The following HTR4 variants were observed in gnomAD, a reference collection of about 807,000 sequenced individuals.
The protein encoded by HTR4 is 5-hydroxytryptamine (serotonin) receptor 4, G protein-coupled.
A neutral mutation model predicts 36.8 loss-of-function variants in HTR4; 16 were observed. The ratio of observed to expected loss-of-function variants is 0.43; its 90% CI spans 0.29 to 0.66. The LOEUF (loss-of-function observed/expected upper bound fraction) is 0.66. Among genes scored for constraint, HTR4 ranks in the 30% least tolerant of loss-of-function variants. HTR4 has a pLI of 0.13. For synonymous variants in HTR4, 189 were observed against 185.1 expected (o/e 1.02, Z -0.17); for missense variants, 438 against 490.9 (o/e 0.89, Z 1.02).
rs777567693 is a variant in HTR4 at position 148,465,872 on chromosome 5, G to C, written c.1077-14600C>G. 2.5e-6 allele frequency: 4 copies of C among 1,613,096 alleles called. No homozygotes were observed. In the East Asian group the frequency reaches 8.9e-5, roughly 36 times the overall value. On this transcript the variant is annotated intron_variant, in intron 5 of 5. Coordinates refer to the HTR4 transcript ENST00000521530. ...TACAGAGCACTTTCAGAGTTAGACA[G>C]GAACTGGTCTATTGCAGAAGAGCAG...
At chr5:148,459,656 T>A (rs1191433766) in intron 5 of HTR4, among the ~76,000 whole-genome samples, 1 of 152,186 alleles carries the variant, frequency 6.6e-6, no homozygotes, top group Non-Finnish European at 1.5e-5. Context: ...GGGTAAATAG[T>A]GTGCCTGTTT....
chr5:148,624,918 C>A (rs541813866), intron 2 of HTR4, among the ~76,000 whole-genome samples: 1 of 152,134 alleles, frequency 6.6e-6, no homozygotes, highest in African/African-American at 2.4e-5. Flanking sequence ...ACCAGGCATA[C>A]GAAGTCCAGC....
At chr5:148,521,323 C>T (rs767274170) in intron 5 of HTR4, among the ~76,000 whole-genome samples, 4 of 152,030 alleles carry the variant, frequency 2.6e-5, no homozygotes, top group African/African-American at 9.7e-5. Flanking sequence ...GGTGTGTCTT[C>T]GAGGAAATTT....
chr5:148,511,437 C>CTTTAA (rs201147352), intron 5 of HTR4, among the ~76,000 whole-genome samples: 2,381 of 152,156 alleles, frequency 0.016, 33 homozygotes, highest in Middle Eastern at 0.048. Context: ...TCTGTATCTT[C>CTTTAA]TTTAATATTG....
intron 4 of HTR4, among the ~76,000 whole-genome samples, chr5:148,541,059 CAGTT>C (rs1759095864): frequency 6.6e-6 from 1 of 152,170 alleles, no homozygotes; most frequent in Non-Finnish European, 1.5e-5. Flanking sequence ...AATAAACACT[CAGTT>C]ATTTATTCCT....
At chr5:148,576,171 C>T (rs918985339) in intron 2 of HTR4, among the ~76,000 whole-genome samples, 7 of 138,508 alleles carry the variant, frequency 5.1e-5, no homozygotes, top group African/African-American at 1.9e-4. Context: ...TTCCTATATA[C>T]CAACAACAGC....
At chr5:148,509,415 T>C (rs780133431) in intron 6 of HTR4, 41 bp downstream of exon 6, 8 of 1,474,060 alleles carry the variant, frequency 5.4e-6, no homozygotes, top group South Asian at 1.3e-5. Context: ...TTCTGAGTAA[T>C]ACAAATCAAC....
chr5:148,570,179 G>C (rs1760617522), intron 2 of HTR4, among the ~76,000 whole-genome samples: 1 of 152,090 alleles, frequency 6.6e-6, no homozygotes, highest in Non-Finnish European at 1.5e-5. Context: ...GGAATGTCAG[G>C]TTAGATATAG....
At chr5:148,453,694 G>A (rs1396157010) in intron 5 of HTR4, among the ~76,000 whole-genome samples, 1 of 152,136 alleles carries the variant, frequency 6.6e-6, no homozygotes, top group African/African-American at 2.4e-5. Flanking sequence ...GTGGGCGGGG[G>A]TGGGCTTGAA....
At chr5:148,608,953 A>G (rs556526663) in intron 2 of HTR4, among the ~76,000 whole-genome samples, 44 of 152,332 alleles carry the variant, frequency 2.9e-4, no homozygotes, top group African/African-American at 1.1e-3. Flanking sequence ...GATGCTACAT[A>G]TTCTATCAGG....
chr5:148,574,325 C>T (rs1760799413), intron 2 of HTR4, among the ~76,000 whole-genome samples: 3 of 151,932 alleles, frequency 2.0e-5, no homozygotes, highest in South Asian at 4.2e-4. Flanking sequence ...TTAGGCTAAT[C>T]AGCAATGGAA....
chr5:148,494,835 G>A (rs539272915), intron 6 of HTR4, among the ~76,000 whole-genome samples: 1 of 152,316 alleles, frequency 6.6e-6, no homozygotes, highest in East Asian at 1.9e-4. Context: ...GTTTTTAGTT[G>A]TGTTTCATTT....
intron 1 of HTR4, among the ~76,000 whole-genome samples, chr5:148,644,452 T>G (rs1753821492): frequency 7.1e-6 from 1 of 140,460 alleles, no homozygotes. Context: ...TTTTTTTTTT[T>G]TTTGCTGGAA....
intron 5 of HTR4, chr5:148,465,829 A>C: frequency 1.2e-6 from 2 of 1,603,710 alleles, no homozygotes; most frequent in Non-Finnish European, 1.7e-6. Context: ...ACAGACTCAC[A>C]ACAGACAGTG....
At chr5:148,616,118 A>G (rs1279238315) in intron 2 of HTR4, among the ~76,000 whole-genome samples, 1 of 152,232 alleles carries the variant, frequency 6.6e-6, no homozygotes, top group Non-Finnish European at 1.5e-5. Flanking sequence ...ATCTGCACGA[A>G]GGAGAAATAT....
rs1755956389 is a variant in HTR4 at position 148,482,930 on chromosome 5, A to C, written c.*273T>G. 1 of 1,338,012 alleles carries C rather than the reference A, an allele frequency of 7.5e-7. No individual in the cohort carries two copies. Among genetic ancestry groups the C allele is most frequent in the Non-Finnish European group, 9.6e-7 (1 of 1,038,366 alleles). The allele number at this position is 1,338,012 out of a possible 1,614,324, so 82.9% of individuals were successfully genotyped here. On this transcript the variant is annotated 3_prime_UTR_variant, in exon 7 of 7. Transcript: ENST00000377888. ...AGTGAGTGACGGGAACATGTCAGAGACACCAGAGACCACGCGGCAAAAGCA... is the reference window on the plus strand; with the variant it reads ...AGTGAGTGACGGGAACATGTCAGAGCCACCAGAGACCACGCGGCAAAAGCA...
In HTR4 at chr5:148,647,365, C is replaced by T. The variant is rs553764146; in HGVS notation, c.-48+6697G>A. On this transcript the variant is annotated intron_variant, in intron 1 of 6. Coordinates refer to ENST00000377888, the MANE Select transcript of HTR4 (RefSeq NM_000870.7). ...GTAGATTGTAAAATACCAAAACTGC[C>T]GATCTTTGGGGGAGCAAAGAAACTC... Among the ~76,000 whole-genome samples the T allele has an allele frequency of 2.0e-5, 3 of 152,214 alleles. No homozygotes were observed. In the South Asian group the frequency reaches 6.2e-4, roughly 32 times the overall value.
chr5:148,538,750 G>T (rs1288488925), intron 4 of HTR4, among the ~76,000 whole-genome samples: 1 of 152,092 alleles, frequency 6.6e-6, no homozygotes, highest in African/African-American at 2.4e-5. Context: ...GAAAAACATT[G>T]CATGTTCATA....
intron 2 of HTR4, among the ~76,000 whole-genome samples, chr5:148,584,498 C>A (rs1051362594): frequency 7.9e-5 from 12 of 152,206 alleles, no homozygotes; most frequent in Admixed American, 5.2e-4. Context: ...GTAAAAATAG[C>A]TCATTATAAC....
Sources: allele counts gnomAD v4.1 joint callset (sites outside exome capture counted in the v4.1 genomes callset), GRCh38; gene constraint gnomAD v4.1.1; transcripts MANE v1.5; gene names NCBI Gene and HGNC (gene_info 2026-07-23, HGNC 2026-07-21).